The following DTNA variants were observed in gnomAD, a reference collection of about 807,000 sequenced individuals.
The protein encoded by DTNA is dystrophin-related protein 3.
DTNA carries 43 observed loss-of-function variants against 100.7 expected under a neutral mutation model. The observed-to-expected ratio is 0.43, with a 90% confidence interval of 0.33 to 0.55. The LOEUF is 0.55. DTNA is among the 20% of genes least tolerant of loss of function. The pLI is 0.04. For synonymous variants in DTNA, 349 were observed against 347.9 expected (o/e 1.00, Z -0.04); for missense variants, 798 against 953.9 (o/e 0.84, Z 2.15).
At chr18:34,599,541 T>A (rs2051340141) in intron 1 of DTNA, among the ~76,000 whole-genome samples, 1 of 151,714 alleles carries the variant, frequency 6.6e-6, no homozygotes, top group South Asian at 2.1e-4. Flanking sequence ...AATTAACAAT[T>A]TTTTTCTTTT....
At chr18:34,762,220 G>A (rs1011736294) in intron 2 of DTNA, among the ~76,000 whole-genome samples, 2 of 152,176 alleles carry the variant, frequency 1.3e-5, no homozygotes, top group South Asian at 4.1e-4. Flanking sequence ...CAGACTGCTA[G>A]ATCAGAAAAA....
At chr18:34,866,963 A>AG in intron 17 of DTNA, 1 of 1,158,264 alleles carries the variant, frequency 8.6e-7, no homozygotes, top group Non-Finnish European at 1.1e-6. Context: ...AAGAGCCAGC[A>AG]GGGGGAGCAG....
intron 1 of DTNA, among the ~76,000 whole-genome samples, chr18:34,499,605 G>A (rs1034034666): frequency 2.0e-5 from 3 of 152,148 alleles, no homozygotes; most frequent in Admixed American, 1.3e-4. Context: ...TGAGAAATAA[G>A]TTTCTCTGTA....
At chr18:34,827,015 A>G (rs536679656) in intron 9 of DTNA, among the ~76,000 whole-genome samples, 1 of 152,294 alleles carries the variant, frequency 6.6e-6, no homozygotes, top group South Asian at 2.1e-4. Flanking sequence ...ATACTCTATC[A>G]TATGGATCAC....
intron 1 of DTNA, among the ~76,000 whole-genome samples, chr18:34,629,333 C>G (rs1318400108): frequency 6.6e-6 from 1 of 152,186 alleles, no homozygotes; most frequent in Non-Finnish European, 1.5e-5. Context: ...TTAGTCTGCC[C>G]TGACGGAGTT....
At chr18:34,524,642 A>G (rs1373186957) in intron 1 of DTNA, among the ~76,000 whole-genome samples, 1 of 152,148 alleles carries the variant, frequency 6.6e-6, no homozygotes, top group Non-Finnish European at 1.5e-5. Flanking sequence ...ACAGAGCAAA[A>G]TTATTTTTTC....
intron 3 of DTNA, among the ~76,000 whole-genome samples, chr18:34,772,285 G>A (rs2093814474): frequency 6.6e-6 from 1 of 152,076 alleles, no homozygotes; most frequent in South Asian, 2.1e-4. Context: ...TCTTTTTCTA[G>A]TAATTGAAAT....
At chr18:34,877,005 T>C (rs925408955) in intron 18 of DTNA, among the ~76,000 whole-genome samples, 3 of 152,204 alleles carry the variant, frequency 2.0e-5, no homozygotes, top group Admixed American at 2.0e-4. Flanking sequence ...CGGAATGAAA[T>C]TCCATTAACC....
chr18:34,787,521 A>G (rs2094548306), intron 3 of DTNA, among the ~76,000 whole-genome samples: 1 of 152,150 alleles, frequency 6.6e-6, no homozygotes, highest in South Asian at 2.1e-4. Flanking sequence ...TATTTTATCT[A>G]ACTTATATGA....
chr18:34,815,741 T>A, intron 6 of DTNA, 168 bp from the exon 7 acceptor site: 1 of 637,764 alleles, frequency 1.6e-6, no homozygotes, highest in Non-Finnish European at 2.8e-6. Flanking sequence ...CAAACGATGT[T>A]TTCAGTTCTA....
At chr18:34,509,569 A>G (rs2040828273) in intron 1 of DTNA, among the ~76,000 whole-genome samples, 1 of 151,790 alleles carries the variant, frequency 6.6e-6, no homozygotes, top group Non-Finnish European at 1.5e-5. Context: ...TAATGATGCT[A>G]AATACCCTTT....
chr18:34,804,225 G>A (rs1251703009), intron 4 of DTNA, among the ~76,000 whole-genome samples: 1 of 152,164 alleles, frequency 6.6e-6, no homozygotes, highest in Non-Finnish European at 1.5e-5. Context: ...AGGAGGCGTT[G>A]AACAGTTTGA....
upstream of DTNA, among the ~76,000 whole-genome samples, chr18:34,708,909 G>A (rs971642401): frequency 3.3e-5 from 5 of 152,176 alleles, no homozygotes; most frequent in Non-Finnish European, 1.5e-5. Context: ...AGTAAACTGA[G>A]GGTTAGAGAG....
At chr18:34,592,315 C>T (rs1328927755) in intron 1 of DTNA, among the ~76,000 whole-genome samples, 2 of 152,038 alleles carry the variant, frequency 1.3e-5, no homozygotes, top group Non-Finnish European at 2.9e-5. Flanking sequence ...CCAGTGACCA[C>T]TAAATATTAA....
intron 1 of DTNA, among the ~76,000 whole-genome samples, chr18:34,674,459 A>T (rs552406224): frequency 1.3e-5 from 2 of 152,332 alleles, no homozygotes; most frequent in South Asian, 4.1e-4. Context: ...TAAGTGTCCA[A>T]AAAGGCCCAT....
At chr18:34,732,249 T>C (rs929198858) in intron 1 of DTNA, among the ~76,000 whole-genome samples, 3 of 152,244 alleles carry the variant, frequency 2.0e-5, no homozygotes, top group Non-Finnish European at 2.9e-5. Context: ...AGCTAACTTG[T>C]TGGATTGCCT....
chr18:34,579,817 G>C (rs1161427179), intron 1 of DTNA, among the ~76,000 whole-genome samples: 1 of 152,040 alleles, frequency 6.6e-6, no homozygotes, highest in Non-Finnish European at 1.5e-5. Flanking sequence ...TCTTGCTTGG[G>C]TTTTACTTAA....
chr18:34,556,386 G>T (rs1303395310), intron 1 of DTNA, among the ~76,000 whole-genome samples: 18 of 151,618 alleles, frequency 1.2e-4, no homozygotes, highest in Admixed American at 1.2e-3. Context: ...AGTTAATATT[G>T]TTATGTGTGA....
chr18:34,885,651 G>A (rs1236393714), intron 22 of DTNA, among the ~76,000 whole-genome samples: 1 of 152,300 alleles, frequency 6.6e-6, no homozygotes, highest in East Asian at 1.9e-4. Context: ...CACCACAGAA[G>A]AGGCCGGTAT....
Sources: allele counts gnomAD v4.1 joint callset (sites outside exome capture counted in the v4.1 genomes callset), GRCh38; gene constraint gnomAD v4.1.1; transcripts MANE v1.5; gene names NCBI Gene and HGNC (gene_info 2026-07-23, HGNC 2026-07-21).